Variants in SLC25A35 observed in about 807,000 individuals in gnomAD.
SLC25A35 encodes the protein solute carrier family 25, member 35.
In SLC25A35, 32 loss-of-function variants were observed where a neutral mutation model predicts 30.5. The observed-to-expected ratio is 1.05, with a 90% CI of 0.79 to 1.41. The LOEUF is 1.41. Among genes scored for constraint, SLC25A35 ranks in the 40% most tolerant of loss-of-function variants. The pLI, the probability that SLC25A35 is intolerant of heterozygous loss-of-function variation, is 0.00. For missense variants in SLC25A35, 369 were observed against 388.0 expected, an observed-to-expected ratio of 0.95 and a Z score of 0.41; for synonymous variants, 142 against 158.1, an observed-to-expected ratio of 0.90 and a Z score of 0.77.
Position 8,295,083 on chromosome 17 carries a change from G to T in SLC25A35, c.-276C>A. The T allele has an allele frequency of 8.4e-7, 1 of 1,189,646 alleles. No individual in the cohort carries two copies. Among genetic ancestry groups the T allele is most frequent in the Non-Finnish European group, 1.0e-6 (1 of 955,994 alleles). 73.7% of individuals were successfully genotyped at this position (1,189,646 alleles called of 1,614,324 possible). On this transcript the variant is annotated 5_prime_UTR_variant, in exon 1 of 5. Coordinates refer to ENST00000577745, the MANE Select transcript of SLC25A35 (RefSeq NM_001320870.2). ...CAGGACCCTCTGAGGTCAAGGAGGG[G>T]CAAAAGACAGAAGGTTGCAGGTGGG...
At chr17:8,292,376 G>T in intron 2 of SLC25A35, 147 bp downstream of exon 2, 2 of 758,498 alleles carry the variant, frequency 2.6e-6, no homozygotes, top group South Asian at 3.1e-5. Flanking sequence ...AGTAAAGAGG[G>T]TCTGGGTAGA....
At chr17:8,291,229 C>T (rs1990473537) in intron 3 of SLC25A35, 104 bp downstream of exon 3, 3 of 1,519,774 alleles carry the variant, frequency 2.0e-6, no homozygotes, top group African/African-American at 1.4e-5. Context: ...TCCTGCCACT[C>T]CCTCACCTGT....
At chr17:8,289,079 G>A (rs770560485), downstream of SLC25A35, 2 of 1,613,176 alleles carry the variant, frequency 1.2e-6, no homozygotes, top group East Asian at 2.2e-5. Flanking sequence ...CGCGGTGAGG[G>A]AATGGCCCCC....
downstream of SLC25A35, chr17:8,289,010 C>T (rs762109580): frequency 6.2e-7 from 1 of 1,613,998 alleles, no homozygotes; most frequent in Admixed American, 1.7e-5. Context: ...CCGTGACGGA[C>T]CAGAGCCTGA....
At position 8,290,927 on chromosome 17, in the gene SLC25A35, C is replaced by T. The variant is rs775513288; in HGVS notation, c.644G>A (p.Ser215Asn). 3.1e-6 allele frequency: 5 copies of T among 1,614,110 alleles called. No individual in the cohort carries two copies. Among genetic ancestry groups the T allele is most frequent in the Middle Eastern group, 1.7e-4 (1 of 6,060 alleles). ...WKLALVAAMM[S>N]GIAVVLAMAP... ...CATGGCCAAGACAACTGCAATGCCA[C>T]TCATCATGGCAGCCACCAGCGCCAA... The change falls in exon 4 of 5, where the codon AGT (serine) becomes AAT (asparagine). Residue 215 changes from serine to asparagine, a missense_variant. Physicochemically the swap from Ser to Asn is conservative, Grantham distance 46. Coordinates refer to ENST00000577745, the MANE Select transcript of SLC25A35 (RefSeq NM_001320870.2).
In SLC25A35 at chr17:8,291,414, G is replaced by A; in HGVS notation, c.513C>T (p.Gly171=). Residue 171 remains glycine (G), a synonymous_variant, in exon 3 of 5, where the codon GGC becomes GGT. Coordinates refer to ENST00000577745, the MANE Select transcript of SLC25A35 (RefSeq NM_001320870.2). ...GLVGLWRGAL[G]GLPRVIVGSS... is the part of the protein sequence containing the mutation. ...AACCGACGATAACTCGGGGCAGGCC[G>A]CCCAGAGCCCCACGCCATAACCCCA... 3.7e-6 allele frequency: 6 copies of A among 1,614,178 alleles called. No individual in the cohort carries two copies. The highest frequency in any genetic ancestry group is 1.3e-5 in the African/African-American group (1 of 75,042).
downstream of SLC25A35, chr17:8,289,960 T>A (rs972242994): frequency 6.2e-6 from 10 of 1,613,930 alleles, no homozygotes; most frequent in Non-Finnish European, 8.5e-6. Flanking sequence ...CTGCATGATG[T>A]TGCTGAGAAC....
At position 8,290,600 on chromosome 17, in the gene SLC25A35, T is replaced by C. The variant is rs1409881221; in HGVS notation, c.808A>G (p.Ile270Val). Residue 270 changes from isoleucine (I) to valine (V), a missense_variant, in exon 5 of 5, where the codon ATA (isoleucine) becomes GTA (valine). By Grantham distance (29) the Ile-to-Val change is conservative. Coordinates refer to ENST00000577745, the MANE Select transcript of SLC25A35 (RefSeq NM_001320870.2). ...TEGIFGMYKGIGASYFRLGPH... is the reference protein window; with the variant it reads ...TEGIFGMYKGVGASYFRLGPH... ...CCGAGGCGGAAGTAGGAGGCACCTA[T>C]ACCCTTGTACATGCCAAAAATGCCC... is the stretch of plus-strand genomic sequence containing the variant. 25 of 1,536,476 alleles carry C rather than the reference T, an allele frequency of 1.6e-5. No individual in the cohort carries two copies. Among genetic ancestry groups the C allele is most frequent in the Non-Finnish European group, 1.9e-5 (22 of 1,147,046 alleles).
intron 1 of SLC25A35, among the ~76,000 whole-genome samples, chr17:8,293,687 G>A (rs1471446095): frequency 2.0e-5 from 3 of 150,812 alleles, no homozygotes; most frequent in African/African-American, 7.3e-5. Flanking sequence ...GAGTAGCTGG[G>A]ACTACAGGCG....
downstream of SLC25A35, chr17:8,289,686 A>G (rs1324115052): frequency 1.2e-6 from 2 of 1,608,718 alleles, no homozygotes; most frequent in Non-Finnish European, 1.7e-6. Flanking sequence ...GGGATCCTCC[A>G]AGGAAGCAGG....
downstream of SLC25A35, chr17:8,289,604 C>T (rs869773): frequency 0.062 from 100,426 of 1,609,966 alleles, 6,951 homozygotes; most frequent in East Asian, 0.33. Flanking sequence ...GAGGAAGGAA[C>T]GGGCGGGTAT....
chr17:8,291,396 G>C lies in SLC25A35; in HGVS notation c.531C>G (p.Ile177Met), dbSNP rs544400475. ...RGALGGLPRV[I>M]VGSSTQLCTF... ...TGCACAGCTGGGTGGAGGAACCGAC[G>C]ATAACTCGGGGCAGGCCGCCCAGAG... The change falls in exon 3 of 5, where the codon ATC (isoleucine) becomes ATG (methionine). Residue 177 changes from isoleucine to methionine, a missense_variant. Ile to Met is a conservative substitution (Grantham distance 10, BLOSUM62 1). Coordinates refer to ENST00000577745, the MANE Select transcript of SLC25A35 (RefSeq NM_001320870.2). The C allele has an allele frequency of 1.2e-6, 2 of 1,614,174 alleles. No homozygotes were observed. The highest frequency in any genetic ancestry group is 1.7e-6 in the Non-Finnish European group (2 of 1,180,022).
chr17:8,294,705 C>T lies in SLC25A35; in HGVS notation c.103G>A (p.Ala35Thr). The T allele has an allele frequency of 6.2e-7, 1 of 1,614,170 alleles. No homozygotes were observed. Among genetic ancestry groups the T allele is most frequent in the Non-Finnish European group, 8.5e-7 (1 of 1,180,040 alleles). Residue 35 changes from alanine to threonine, a missense_variant, in exon 1 of 5, where the codon GCC (alanine) becomes ACC (threonine). Coordinates refer to ENST00000577745, the MANE Select transcript of SLC25A35 (RefSeq NM_001320870.2). ...TRMQLQGELQ[A>T]PGTYQRHYRN... ...TAGTGCCGCTGGTATGTGCCAGGGG[C>T]CTGCAGTTCTCCTTGCAACTGCATC...
Position 8,295,088 on chromosome 17 carries a change from A to G in SLC25A35, c.-281T>C. The G allele has an allele frequency of 4.2e-6, 5 of 1,179,812 alleles. No homozygotes were observed. Among genetic ancestry groups the G allele is most frequent in the Non-Finnish European group, 5.3e-6 (5 of 949,936 alleles). 73.1% of individuals were successfully genotyped at this position (1,179,812 alleles called of 1,614,324 possible). On this transcript the variant is annotated 5_prime_UTR_variant, in exon 1 of 5. Coordinates refer to ENST00000577745, the MANE Select transcript of SLC25A35 (RefSeq NM_001320870.2). ...CCCTCTGAGGTCAAGGAGGGGCAAAAGACAGAAGGTTGCAGGTGGGATGGC... is the reference window on the plus strand; with the variant it reads ...CCCTCTGAGGTCAAGGAGGGGCAAAGGACAGAAGGTTGCAGGTGGGATGGC...
intron 1 of SLC25A35, 78 bp from the exon 2 acceptor site, chr17:8,292,666 C>T: frequency 2.4e-6 from 3 of 1,254,096 alleles, no homozygotes; most frequent in South Asian, 1.2e-5. Flanking sequence ...CACCCCCTCA[C>T]ACTTCCTCTA....
Position 8,294,732 on chromosome 17 carries a change from TG to T in SLC25A35, c.75del (p.Arg26GlyfsTer50). The T allele has an allele frequency of 6.2e-7, 1 of 1,614,096 alleles. No individual in the cohort carries two copies. Among genetic ancestry groups the T allele is most frequent in the Non-Finnish European group, 8.5e-7 (1 of 1,179,966 alleles). ...TGCAGTTCTCCTTGCAACTGCATCC[TG>T]GTCTTCACCACCTCCAGGGGATTGG... ...VFTNPLEVVK[T>X]RMQLQGELQA... is the part of the protein sequence containing the mutation. On this transcript the variant is annotated frameshift_variant, in exon 1 of 5. Coordinates refer to ENST00000577745, the MANE Select transcript of SLC25A35 (RefSeq NM_001320870.2). LOFTEE classifies it high-confidence loss of function.
At position 8,290,887 on chromosome 17, in the gene SLC25A35, C is replaced by G; in HGVS notation, c.684G>C (p.Val228=). 2.5e-6 allele frequency: 4 copies of G among 1,614,072 alleles called. No homozygotes were observed. The highest frequency in any genetic ancestry group is 3.4e-6 in the Non-Finnish European group (4 of 1,179,998). Residue 228 remains valine, a synonymous_variant, in exon 4 of 5, where the codon GTG becomes GTC. Transcript: ENST00000577745. ...AVVLAMAPFD[V]ACTRLYNQPT... is the part of the protein sequence containing the mutation. ...GCTGGTTGTAGAGCCTTGTGCAGGCCACATCAAAGGGTGCCATGGCCAAGA... is the reference window on the plus strand; with the variant it reads ...GCTGGTTGTAGAGCCTTGTGCAGGCGACATCAAAGGGTGCCATGGCCAAGA...
In SLC25A35 at chr17:8,290,956, C is replaced by T; in HGVS notation, c.615G>A (p.Trp205Ter). 2 of 1,614,112 alleles carry T rather than the reference C, an allele frequency of 1.2e-6. No homozygotes were observed. The highest frequency in any genetic ancestry group is 1.7e-6 in the Non-Finnish European group (2 of 1,180,014). Residue 205 changes from tryptophan to a stop codon, truncating the protein, a stop_gained, in exon 4 of 5, where the codon TGG (tryptophan) becomes TGA (stop). Transcript: ENST00000577745. LOFTEE classifies it high-confidence loss of function. ...TCATGGCAGCCACCAGCGCCAACTT[C>T]CAGCTCTGGGGAGGAAAGATCTAAG... ...SQWEIFPPQS[W>*]KLALVAAMMS...
Position 8,294,498 on chromosome 17 carries a change from G to T in SLC25A35, c.310C>A (p.Arg104Ser), listed in dbSNP as rs373898757. 8.7e-6 allele frequency: 14 copies of T among 1,612,878 alleles called. No homozygotes were observed. Among genetic ancestry groups the T allele is most frequent in the Admixed American group, 5.0e-5 (3 of 59,892 alleles). ...GCCATGGCCCCAGCTGCTGCGCTGC[G>T]GGCAGGACTGTGGGTGCCTTCGGCT... Reference protein sequence around the residue: ...HTAEGTHSPARSAAAGAMAGV... With the variant: ...HTAEGTHSPASSAAAGAMAGV... The change falls in exon 1 of 5, where the codon CGC (arginine) becomes AGC (serine). Residue 104 changes from arginine to serine, a missense_variant. Arg to Ser is a moderately radical substitution (Grantham distance 110, BLOSUM62 -1). Transcript: ENST00000577745.
Sources: gnomAD v4.1 joint callset for allele counts (sites outside exome capture counted in the v4.1 genomes callset) on GRCh38, gnomAD v4.1.1 for gene constraint, MANE v1.5 for transcripts, NCBI Gene and HGNC (gene_info 2026-07-23, HGNC 2026-07-21) for gene names.